AOPEP: variants seen among roughly 807,000 people sequenced by gnomAD.
AOPEP encodes the protein aminopeptidase O (putative).
In AOPEP, 77 loss-of-function variants were observed where a neutral mutation model predicts 98.1. That is an observed-to-expected ratio of 0.78 (90% CI 0.65 to 0.95). The LOEUF is 0.95. Ranked by LOEUF, AOPEP falls within the 40% of genes least tolerant of loss-of-function variation. The pLI is 0.00. For synonymous variants in AOPEP, 346 were observed against 365.3 expected, an observed-to-expected ratio of 0.95 and a Z score of 0.60; for missense variants, 1,024 against 1,024.7, an observed-to-expected ratio of 1.00 and a Z score of 0.01.
intron 11 of AOPEP, among the ~76,000 whole-genome samples, chr9:94,996,350 CTGTGTG>C (rs10608161): frequency 0.014 from 1,979 of 141,848 alleles, 17 homozygotes; most frequent in Middle Eastern, 0.071. Context: ...TTACTTGCCT[CTGTGTG>C]TGTGTGTGTG....
intron 9 of AOPEP, among the ~76,000 whole-genome samples, chr9:94,958,536 G>C (rs77074676): frequency 1.4e-3 from 216 of 152,188 alleles, no homozygotes; most frequent in South Asian, 6.8e-3. Flanking sequence ...GTTTTTTCAC[G>C]CACTTGCCAA....
intron 7 of AOPEP, among the ~76,000 whole-genome samples, chr9:94,942,893 A>C (rs2057165762): frequency 7.5e-6 from 1 of 133,002 alleles, no homozygotes. Context: ...GGACACAGTG[A>C]GAGTCTGTCT....
intron 5 of AOPEP, among the ~76,000 whole-genome samples, chr9:94,888,873 G>A (rs986720377): frequency 1.3e-5 from 2 of 152,152 alleles, no homozygotes; most frequent in African/African-American, 2.4e-5. Context: ...GCATGTGTAC[G>A]TGTATAGTTC....
chr9:94,983,304 C>T (rs907146944), intron 11 of AOPEP, among the ~76,000 whole-genome samples: 6 of 152,124 alleles, frequency 3.9e-5, no homozygotes, highest in African/African-American at 9.7e-5. Context: ...ATTACAGATG[C>T]GAGCCAGCCA....
At chr9:95,074,633 T>C (rs909106105) in intron 14 of AOPEP, among the ~76,000 whole-genome samples, 8 of 152,228 alleles carry the variant, frequency 5.3e-5, no homozygotes, top group African/African-American at 1.7e-4. Flanking sequence ...GTAATTTTTA[T>C]TGGACTAAAG....
chr9:94,760,378 T>C lies in AOPEP; in HGVS notation c.595T>C (p.Trp199Arg). Reference sequence around the variant, plus strand: ...ACTTGTGACTTTGCCTGCAAATCGTTGGAGGGAGCAGTTAGACTATTACGC... The same window carrying C: ...ACTTGTGACTTTGCCTGCAAATCGTCGGAGGGAGCAGTTAGACTATTACGC... ...RELVTLPANRWREQLDYYARC... is the reference protein window; with the variant it reads ...RELVTLPANRRREQLDYYARC... The change falls in exon 2 of 17, where the codon TGG (tryptophan) becomes CGG (arginine). Residue 199 changes from tryptophan (W) to arginine (R), a missense_variant. Transcript: ENST00000375315. 1.2e-6 allele frequency: 2 copies of C among 1,614,148 alleles called. No individual in the cohort carries two copies. The highest frequency in any genetic ancestry group is 1.7e-6 in the Non-Finnish European group (2 of 1,180,028).
the AOPEP span, chr9:95,114,536 A>G: frequency 1.8e-6 from 2 of 1,123,348 alleles, no homozygotes; most frequent in African/African-American, 3.1e-5. Flanking sequence ...CAGACCAGTA[A>G]TGCCTTCCTC....
the AOPEP span, chr9:95,110,732 G>C: frequency 9.3e-7 from 1 of 1,077,796 alleles, no homozygotes. Flanking sequence ...TAACTACTAA[G>C]ATCAGCATAG....
intron 5 of AOPEP, among the ~76,000 whole-genome samples, chr9:94,895,133 G>C (rs2049325854): frequency 6.6e-6 from 1 of 151,814 alleles, no homozygotes; most frequent in South Asian, 2.1e-4. Context: ...CAGCACATTG[G>C]AAGGCCGAGG....
rs551608891 is a variant in AOPEP, at chr9:94,751,917, G to A, written c.-135-7732G>A. The stretch of plus-strand genomic sequence containing the variant: ...TTTTTTTTTTTTTTTTTTTGAGAAA[G>A]GGTCTCGCTGTGTTGCTCAGGCTGG... On this transcript the variant is annotated intron_variant, in intron 1 of 16. Transcript: ENST00000375315. 1.1e-3 allele frequency among the ~76,000 whole-genome samples: 152 copies of A among 135,364 alleles called. 1 individual carries two copies. The highest frequency in any genetic ancestry group is 4.2e-3 in the African/African-American group (138 of 32,846). 88.8% of individuals were successfully genotyped at this position (135,364 alleles called of 152,430 possible). A position where few individuals can be genotyped will look rare whatever the true frequency, so the allele number is the denominator to read the frequency against.
chr9:94,787,377 A>G (rs1844664572), intron 3 of AOPEP, among the ~76,000 whole-genome samples: 1 of 152,220 alleles, frequency 6.6e-6, no homozygotes, highest in Non-Finnish European at 1.5e-5. Context: ...GACCTTGTGC[A>G]GGGATCTAAC....
intron 4 of AOPEP, among the ~76,000 whole-genome samples, chr9:94,796,136 C>G (rs746696092): frequency 6.6e-6 from 1 of 152,174 alleles, no homozygotes; most frequent in Non-Finnish European, 1.5e-5. Context: ...AATGGCCCAG[C>G]CAGTCAGGTA....
At chr9:94,882,989 A>C (rs1297193896) in intron 5 of AOPEP, among the ~76,000 whole-genome samples, 1 of 152,220 alleles carries the variant, frequency 6.6e-6, no homozygotes, top group Non-Finnish European at 1.5e-5. Flanking sequence ...AAAGTTACTT[A>C]TCTGAAGTCT....
At chr9:94,928,199 A>C (rs912809833) in intron 6 of AOPEP, among the ~76,000 whole-genome samples, 1 of 152,114 alleles carries the variant, frequency 6.6e-6, no homozygotes, top group Non-Finnish European at 1.5e-5. Context: ...ACCTCCGCCA[A>C]ACAGCAGGCC....
At chr9:95,101,616 C>A in the AOPEP span, 5 of 1,536,238 alleles carry the variant, frequency 3.3e-6, no homozygotes, top group South Asian at 5.7e-5. Context: ...GGCACTTACT[C>A]CACAAATGCG....
rs926297056 is a variant in AOPEP at position 94,931,953 on chromosome 9, T to C, written c.1661+3422T>C. ...TAGCCCAAGGCTCAGAAAGACTGAG[T>C]AATGCGTCTAACCTCCTCTAGCTGA... On this transcript the variant is annotated intron_variant, in intron 7 of 16. Coordinates refer to ENST00000375315, the MANE Select transcript of AOPEP (RefSeq NM_001193329.3). The C allele has an allele frequency of 3.5e-6, 4 of 1,130,662 alleles. No individual in the cohort carries two copies. The Admixed American group carries it at 1.3e-4, about 36-fold the overall frequency. 70.0% of individuals were successfully genotyped at this position (1,130,662 alleles called of 1,614,324 possible).
the AOPEP span, chr9:95,099,446 C>T: frequency 4.4e-6 from 1 of 227,002 alleles, no homozygotes; most frequent in African/African-American, 2.3e-5. Context: ...CGTCCCCGCC[C>T]AGCATCTCGG....
intron 5 of AOPEP, among the ~76,000 whole-genome samples, chr9:94,869,016 G>A (rs1254005122): frequency 6.6e-6 from 1 of 152,060 alleles, no homozygotes; most frequent in Admixed American, 6.6e-5. Context: ...ATCACTTGAG[G>A]TCAGGAGTTC....
intron 11 of AOPEP, among the ~76,000 whole-genome samples, chr9:94,993,729 G>T (rs138764815): frequency 6.6e-6 from 1 of 152,304 alleles, no homozygotes; most frequent in Non-Finnish European, 1.5e-5. Flanking sequence ...CATCCTGGTT[G>T]TTATTAGCCT....
Sources: allele counts gnomAD v4.1 joint callset (sites outside exome capture counted in the v4.1 genomes callset), GRCh38; gene constraint gnomAD v4.1.1; transcripts MANE v1.5; gene names NCBI Gene and HGNC (gene_info 2026-07-23, HGNC 2026-07-21).